HIRA: variants seen among roughly 807,000 people sequenced by gnomAD.
HIRA encodes histone cell cycle regulator.
In HIRA, 13 loss-of-function variants were observed where a neutral mutation model predicts 126.6. The ratio of observed to expected loss-of-function variants is 0.10; its 90% CI spans 0.07 to 0.16. The LOEUF is 0.16. Among genes scored for constraint, HIRA ranks in the 10% least tolerant of loss-of-function variants. HIRA has a pLI of 1.00. For missense variants in HIRA, 834 were observed against 1,314.4 expected (o/e 0.63, Z 5.65); for synonymous variants, 511 against 520.0 (o/e 0.98, Z 0.24).
At position 19,410,743 on chromosome 22, in the gene HIRA, C is replaced by T. The variant is rs770185600; in HGVS notation, c.73G>A (p.Gly25Arg). The change falls in exon 2 of 25, where the codon GGG (glycine) becomes AGG (arginine). Residue 25 changes from glycine (G) to arginine (R), a missense_variant. By Grantham distance (125) the Gly-to-Arg change is moderately radical. Transcript: ENST00000263208. ...PIFSVDIHPD[G>R]TKFATGGQGQ... ...TGTCCTCCAGTTGCGAACTTGGTCC[C>T]GTCAGGGTGAATATCAACTGAAAAA... is the stretch of plus-strand genomic sequence containing the variant. 1.9e-6 allele frequency: 3 copies of T among 1,613,898 alleles called. No individual in the cohort carries two copies. Among genetic ancestry groups the T allele is most frequent in the Non-Finnish European group, 1.7e-6 (2 of 1,179,962 alleles).
At chr22:19,393,646 G>A (rs946458859) in intron 8 of HIRA, among the ~76,000 whole-genome samples, 4 of 152,154 alleles carry the variant, frequency 2.6e-5, no homozygotes, top group African/African-American at 7.2e-5. Flanking sequence ...ATGAGCCACC[G>A]TGTCCGGCCG....
chr22:19,380,749 TA>T (rs2089065564), intron 13 of HIRA, among the ~76,000 whole-genome samples: 1 of 152,188 alleles, frequency 6.6e-6, no homozygotes, highest in Admixed American at 6.5e-5. Flanking sequence ...ATACAGGTAG[TA>T]GCTACAGTAG....
intron 24 of HIRA, among the ~76,000 whole-genome samples, chr22:19,347,367 G>A (rs1388074816): frequency 6.6e-6 from 1 of 152,092 alleles, no homozygotes; most frequent in East Asian, 1.9e-4. Context: ...GATAATTCAG[G>A]GAACAAATTA....
intron 23 of HIRA, among the ~76,000 whole-genome samples, chr22:19,352,778 G>A (rs976666634): frequency 8.5e-5 from 13 of 152,214 alleles, no homozygotes; most frequent in Non-Finnish European, 1.8e-4. Context: ...GCCCCATGCC[G>A]CACCCTGAAG....
chr22:19,341,257 C>A (rs1452279821), intron 24 of HIRA, among the ~76,000 whole-genome samples: 3 of 151,978 alleles, frequency 2.0e-5, no homozygotes, highest in African/African-American at 7.3e-5. Flanking sequence ...TCGAGACCAG[C>A]CTAGACAACA....
chr22:19,392,052 C>T, intron 9 of HIRA, 49 bp downstream of exon 9: 1 of 1,123,664 alleles, frequency 8.9e-7, no homozygotes, highest in Non-Finnish European at 1.3e-6. Context: ...GCTACTTTAC[C>T]AACCTACACC....
chr22:19,384,340 A>AT (rs919404376), intron 12 of HIRA, among the ~76,000 whole-genome samples: 3 of 151,548 alleles, frequency 2.0e-5, no homozygotes, highest in Non-Finnish European at 4.4e-5. Flanking sequence ...AAAAAAAAAA[A>AT]AAAGAGAGAT....
At chr22:19,373,794 G>T (rs2088989886) in intron 15 of HIRA, among the ~76,000 whole-genome samples, 1 of 151,990 alleles carries the variant, frequency 6.6e-6, no homozygotes, top group South Asian at 2.1e-4. Flanking sequence ...TTGACTTTAT[G>T]CTGGTGACTT....
At chr22:19,391,180 G>T (rs2089177810) in intron 9 of HIRA, among the ~76,000 whole-genome samples, 1 of 152,168 alleles carries the variant, frequency 6.6e-6, no homozygotes. Flanking sequence ...ATAAAATACT[G>T]TTAAGTGCAG....
chr22:19,388,010 C>T (rs939101239), intron 10 of HIRA, among the ~76,000 whole-genome samples, 194 bp from the exon 11 acceptor site: 11 of 152,018 alleles, frequency 7.2e-5, no homozygotes, highest in Admixed American at 1.3e-4. Context: ...CCCAAAGGGC[C>T]CTGGTGTTCT....
chr22:19,372,936 G>C (rs1025968868), intron 15 of HIRA, among the ~76,000 whole-genome samples: 4 of 152,172 alleles, frequency 2.6e-5, no homozygotes, highest in African/African-American at 9.7e-5. Context: ...AGGCTGGTCT[G>C]AATTACTGGG....
intron 24 of HIRA, among the ~76,000 whole-genome samples, chr22:19,337,310 C>A (rs932012202): frequency 4.0e-5 from 6 of 151,236 alleles, no homozygotes; most frequent in African/African-American, 7.3e-5. Flanking sequence ...AAGAAAAAAT[C>A]AAAAAATCAA....
chr22:19,362,155 T>TA (rs2146198377), intron 15 of HIRA, among the ~76,000 whole-genome samples: 1 of 152,276 alleles, frequency 6.6e-6, no homozygotes, highest in South Asian at 2.1e-4. Context: ...CAAGAAATGT[T>TA]AAAAGTCTTT....
At chr22:19,407,936 C>T (rs1292538951) in intron 3 of HIRA, among the ~76,000 whole-genome samples, 1 of 152,170 alleles carries the variant, frequency 6.6e-6, no homozygotes. Flanking sequence ...CCGTGAGTAA[C>T]ATGCTCCAGG....
intron 24 of HIRA, among the ~76,000 whole-genome samples, chr22:19,348,817 A>G (rs2088720408): frequency 6.8e-6 from 1 of 147,388 alleles, no homozygotes; most frequent in African/African-American, 2.6e-5. Context: ...ATTTTTTGAG[A>G]TGGAGTTTCG....
intron 15 of HIRA, among the ~76,000 whole-genome samples, chr22:19,373,353 T>C (rs1428431023): frequency 6.6e-6 from 1 of 152,238 alleles, no homozygotes; most frequent in Non-Finnish European, 1.5e-5. Flanking sequence ...GACAATTCTA[T>C]GATCACAGGT....
intron 24 of HIRA, among the ~76,000 whole-genome samples, chr22:19,345,565 CG>C (rs1569289736): frequency 6.6e-6 from 1 of 152,126 alleles, no homozygotes; most frequent in Non-Finnish European, 1.5e-5. Flanking sequence ...GAGGGGAAGA[CG>C]GTTTCAGGAT....
chr22:19,429,227 T>C (rs1298364896), intron 1 of HIRA, among the ~76,000 whole-genome samples: 1 of 128,216 alleles, frequency 7.8e-6, no homozygotes, highest in Non-Finnish European at 1.6e-5. Context: ...AACCTCTACC[T>C]CCCGGGCTCA....
chr22:19,350,889 T>G (rs2283650), intron 24 of HIRA, among the ~76,000 whole-genome samples: 60,710 of 151,680 alleles, frequency 0.4, 13,989 homozygotes, highest in Non-Finnish European at 0.52. Flanking sequence ...CTCCTTGGGT[T>G]TCATCCGCAG....
Sources: gnomAD v4.1 joint callset for allele counts (sites outside exome capture counted in the v4.1 genomes callset) on GRCh38, gnomAD v4.1.1 for gene constraint, MANE v1.5 for transcripts, NCBI Gene and HGNC (gene_info 2026-07-23, HGNC 2026-07-21) for gene names.